HSPH1: variants seen among roughly 807,000 people sequenced by gnomAD.
The protein encoded by HSPH1 is heat shock protein family H (Hsp110) member 1, also known as heat shock protein 105 kDa.
HSPH1 carries 40 observed loss-of-function variants against 100.0 expected under a neutral mutation model. The ratio of observed to expected loss-of-function variants is 0.40; its 90% CI spans 0.31 to 0.52. HSPH1 has a LOEUF of 0.52. Ranked by LOEUF, HSPH1 falls within the 20% of genes least tolerant of loss-of-function variation. The pLI, the probability that HSPH1 is intolerant of heterozygous loss-of-function variation, is 0.54. For missense variants in HSPH1, 876 were observed against 1,015.1 expected, an observed-to-expected ratio of 0.86 and a Z score of 1.86; for synonymous variants, 403 against 344.0, an observed-to-expected ratio of 1.17 and a Z score of -1.90.
rs1330841987 is a variant in HSPH1 at position 31,145,715 on chromosome 13, C to T, written c.1432G>A (p.Val478Ile). Reference protein sequence around the residue: ...SAQKDGEKSRVKVKVRVNTHG... With the variant: ...SAQKDGEKSRIKVKVRVNTHG... ...GTGTTGACTCGCACTTTGACTTTTA[C>T]TCTAGATTTTTCTCCATCTTTCTGT... The change falls in exon 11 of 18, where the codon GTA (valine) becomes ATA (isoleucine). Residue 478 changes from valine (V) to isoleucine (I), a missense_variant. Physicochemically the swap from Val to Ile is conservative, Grantham distance 29. Coordinates refer to ENST00000320027, the MANE Select transcript of HSPH1 (RefSeq NM_006644.4). 1 of 1,613,612 alleles carries T rather than the reference C, an allele frequency of 6.2e-7. No homozygotes were observed. Among genetic ancestry groups the T allele is most frequent in the Non-Finnish European group, 8.5e-7 (1 of 1,179,738 alleles).
At position 31,136,918 on chromosome 13, in the gene HSPH1, C is replaced by A. The variant is rs1247898915; in HGVS notation, c.*400G>T. ...TAGTCTTGTTTATAAACATCCACACCCACACACATGCTGAATGGAGAGCAA... is the reference window on the plus strand; with the variant it reads ...TAGTCTTGTTTATAAACATCCACACACACACACATGCTGAATGGAGAGCAA... On this transcript the variant is annotated 3_prime_UTR_variant, in exon 18 of 18. Transcript: ENST00000320027. The A allele has an allele frequency of 6.9e-6, 2 of 288,372 alleles. No homozygotes were observed. Among genetic ancestry groups the A allele is most frequent in the Non-Finnish European group, 1.4e-5 (2 of 140,606 alleles). The allele number at this position is 288,372 out of a possible 1,614,324, so 17.9% of individuals were successfully genotyped here.
intron 2 of HSPH1, among the ~76,000 whole-genome samples, chr13:31,156,767 G>A (rs553707456): frequency 5.9e-5 from 9 of 152,180 alleles, no homozygotes; most frequent in South Asian, 2.1e-4. Flanking sequence ...CTGCATGTGC[G>A]TATTCTGAAG....
chr13:31,155,411 G>C, intron 3 of HSPH1, 103 bp downstream of exon 3: 2 of 853,234 alleles, frequency 2.3e-6, no homozygotes, highest in Non-Finnish European at 3.5e-6. Context: ...AGAACAAAAA[G>C]ACCACCTGGT....
intron 2 of HSPH1, among the ~76,000 whole-genome samples, chr13:31,157,547 T>A (rs1593214246): frequency 6.6e-6 from 1 of 152,242 alleles, no homozygotes; most frequent in East Asian, 1.9e-4. Flanking sequence ...TTTTCAAATC[T>A]GACCTGATTT....
At chr13:31,160,047 G>T (rs545453950) in intron 1 of HSPH1, among the ~76,000 whole-genome samples, 11 of 152,132 alleles carry the variant, frequency 7.2e-5, no homozygotes, top group Non-Finnish European at 1.6e-4. Context: ...ATATTAAGGG[G>T]AACTCCAATA....
intron 10 of HSPH1, among the ~76,000 whole-genome samples, chr13:31,147,329 T>C (rs1956299410): frequency 1.3e-5 from 2 of 152,086 alleles, no homozygotes; most frequent in South Asian, 4.1e-4. Flanking sequence ...ACACAACTGA[T>C]CAGGTTGGAC....
rs763940403 is a variant in HSPH1 at position 31,161,649 on chromosome 13, C to T, written c.-67G>A. 2.5e-6 allele frequency: 4 copies of T among 1,593,054 alleles called. No individual in the cohort carries two copies. Among genetic ancestry groups the T allele is most frequent in the South Asian group, 1.1e-5 (1 of 89,934 alleles). On this transcript the variant is annotated 5_prime_UTR_variant, in exon 1 of 18. Transcript: ENST00000320027. ...GTCCTCCGGCCCCCTGCCTGCTTCT[C>T]CTGCCGCCGCTTTCTGCCCTGGCCG...
intron 7 of HSPH1, among the ~76,000 whole-genome samples, chr13:31,150,415 A>G (rs901757098): frequency 1.4e-4 from 22 of 152,166 alleles, no homozygotes; most frequent in Non-Finnish European, 2.9e-4. Context: ...ATCATTTTAC[A>G]TGCTTATGAC....
chr13:31,158,010 A>G (rs554390940), intron 2 of HSPH1, among the ~76,000 whole-genome samples: 1 of 152,350 alleles, frequency 6.6e-6, no homozygotes, highest in African/African-American at 2.4e-5. Context: ...GCCACATTTC[A>G]AATGCTCAAT....
Position 31,141,167 on chromosome 13 carries a change from G to A in HSPH1, c.1809C>T (p.Val603=). Residue 603 remains valine (V), a synonymous_variant, in exon 13 of 18, where the codon GTC becomes GTT. Transcript: ENST00000320027. ...TAAGAAGGTCTTTCCCTAACTGCCA[G>A]ACCAAGTTGGCTTCAATAGGCAGCT... is the stretch of plus-strand genomic sequence containing the variant. The part of the protein sequence containing the change: ...NVELPIEANL[V]WQLGKDLLNM... 6.2e-7 allele frequency: 1 copy of A among 1,608,534 alleles called. No individual in the cohort carries two copies. Among genetic ancestry groups the A allele is most frequent in the Non-Finnish European group, 8.5e-7 (1 of 1,176,562 alleles).
chr13:31,150,193 A>T lies in HSPH1; in HGVS notation c.909-11T>A. The T allele has an allele frequency of 6.5e-7, 1 of 1,545,988 alleles. No homozygotes were observed. Among genetic ancestry groups the T allele is most frequent in the South Asian group, 1.2e-5 (1 of 81,592 alleles). ...TCTTCAAATTGTGACCTTAGCAAAT[A>T]AAAACTTGTTTTTAGAAAAGTTAAG... On this transcript the variant is annotated splice_polypyrimidine_tract_variant and intron_variant, in intron 7 of 17. Transcript: ENST00000320027.
intron 5 of HSPH1, chr13:31,152,266 C>G (rs1420226418): frequency 6.6e-6 from 1 of 152,188 alleles, no homozygotes; most frequent in Non-Finnish European, 1.5e-5. Context: ...TTCCAAAAAC[C>G]TAACAGAAAT....
intron 17 of HSPH1, 61 bp downstream of exon 17, chr13:31,138,346 A>G: frequency 6.6e-7 from 1 of 1,512,244 alleles, no homozygotes; most frequent in Non-Finnish European, 9.1e-7. Context: ...TGAAGGTTCA[A>G]ATGATTGCAA....
At position 31,136,293 on chromosome 13, in the gene HSPH1, T is replaced by C. The variant is rs1955881071; in HGVS notation, c.*1025A>G. ...ATTTACTAATTTCCCTGGCACAGAG[T>C]TTTTAAAAACAGCCTACAGCACTAT... On this transcript the variant is annotated 3_prime_UTR_variant, in exon 18 of 18. Coordinates refer to ENST00000320027, the MANE Select transcript of HSPH1 (RefSeq NM_006644.4). The C allele has an allele frequency of 6.6e-6, 1 of 152,040 alleles. No homozygotes were observed. Among genetic ancestry groups the C allele is most frequent in the African/African-American group, 2.4e-5 (1 of 41,374 alleles). The allele number at this position is 152,040 out of a possible 1,614,324, so 9.4% of individuals were successfully genotyped here. A position where few individuals can be genotyped will look rare whatever the true frequency, so the allele number is the denominator to read the frequency against.
intron 11 of HSPH1, 131 bp downstream of exon 11, chr13:31,145,429 TATC>T: frequency 1.5e-6 from 1 of 669,204 alleles, no homozygotes; most frequent in Non-Finnish European, 2.5e-6. Context: ...CAAGCGCTAT[TATC>T]ATTACCTAAA....
chr13:31,153,523 C>T (rs1276829710), intron 4 of HSPH1, among the ~76,000 whole-genome samples: 1 of 152,150 alleles, frequency 6.6e-6, no homozygotes, highest in African/African-American at 2.4e-5. Context: ...GTAAAAACAA[C>T]CCAAGGGCTG....
At position 31,161,832 on chromosome 13, in the gene HSPH1, G is replaced by T; in HGVS notation, c.-250C>A. 1 of 1,476,024 alleles carries T rather than the reference G, an allele frequency of 6.8e-7. No homozygotes were observed. Among genetic ancestry groups the T allele is most frequent in the South Asian group, 1.3e-5 (1 of 75,476 alleles). 91.4% of individuals were successfully genotyped at this position (1,476,024 alleles called of 1,614,324 possible). A position where few individuals can be genotyped will look rare whatever the true frequency, so the allele number is the denominator to read the frequency against. On this transcript the variant is annotated 5_prime_UTR_variant, in exon 1 of 18. Transcript: ENST00000320027. ...AAGCGGGGCTCAGCCTCCGCAGGTC[G>T]CTCCGCACCTCGGGTTGCCTGCCTC...
intron 7 of HSPH1, 34 bp from the exon 8 acceptor site, chr13:31,150,216 A>G (rs752410194): frequency 1.4e-6 from 2 of 1,418,426 alleles, no homozygotes; most frequent in Non-Finnish European, 1.9e-6. Context: ...TAGAAAAGTT[A>G]AGACCAATAT....
chr13:31,150,544 C>T lies in HSPH1; in HGVS notation c.909-362G>A, dbSNP rs575387518. Among the ~76,000 whole-genome samples, 9 of 152,304 alleles carry T rather than the reference C, an allele frequency of 5.9e-5. No individual in the cohort carries two copies. In the South Asian group the frequency reaches 1.9e-3, roughly 32 times the overall value. Reference sequence around the variant, plus strand: ...GCTCAAGGGATCCTCCCACCTCAGCCTCCTGAAAAGTTGTGACCATAGGCA... The same window carrying T: ...GCTCAAGGGATCCTCCCACCTCAGCTTCCTGAAAAGTTGTGACCATAGGCA... On this transcript the variant is annotated intron_variant, in intron 7 of 17. Coordinates refer to ENST00000320027, the MANE Select transcript of HSPH1 (RefSeq NM_006644.4).
Sources: gnomAD v4.1 joint callset for allele counts (sites outside exome capture counted in the v4.1 genomes callset) on GRCh38, gnomAD v4.1.1 for gene constraint, MANE v1.5 for transcripts, NCBI Gene and HGNC (gene_info 2026-07-23, HGNC 2026-07-21) for gene names.